KCNK17: variants seen among roughly 807,000 people sequenced by gnomAD.
KCNK17 encodes the protein potassium two pore domain channel subfamily K member 17.
In KCNK17, 27 loss-of-function variants were observed where a neutral mutation model predicts 24.6. The ratio of observed to expected loss-of-function variants is 1.10; its 90% CI spans 0.81 to 1.51. KCNK17 has a LOEUF of 1.51. KCNK17 is among the 40% of genes most tolerant of loss of function. The pLI is 0.00. For synonymous variants in KCNK17, 181 were observed against 189.8 expected (o/e 0.95, Z 0.38); for missense variants, 450 against 436.6 (o/e 1.03, Z -0.27).
At position 39,314,137 on chromosome 6, in the gene KCNK17, G is replaced by C. The variant is rs1276961191; in HGVS notation, c.184C>G (p.Leu62Val). 1.9e-6 allele frequency: 3 copies of C among 1,593,950 alleles called. No individual in the cohort carries two copies. The highest frequency in any genetic ancestry group is 1.1e-5 in the South Asian group (1 of 88,768). The part of the protein sequence containing the change: ...SRSFQRDKWE[L>V]LQNFTCLDRP... ...TCCAGACACGTGAAGTTCTGCAACAGCTCCCACTTGTCGCGCTGGAAGCTG... is the reference window on the plus strand; with the variant it reads ...TCCAGACACGTGAAGTTCTGCAACACCTCCCACTTGTCGCGCTGGAAGCTG... The change falls in exon 1 of 5, where the codon CTG (leucine) becomes GTG (valine). Residue 62 changes from leucine to valine, a missense_variant. Leu to Val is a conservative substitution (Grantham distance 32, BLOSUM62 1). Coordinates refer to ENST00000373231, the MANE Select transcript of KCNK17 (RefSeq NM_031460.4).
intron 2 of KCNK17, among the ~76,000 whole-genome samples, chr6:39,307,088 T>C (rs781163364): frequency 9.2e-5 from 14 of 152,154 alleles, no homozygotes; most frequent in Non-Finnish European, 1.5e-4. Context: ...TCCTTCCTTC[T>C]GTCCTTCCTC....
intron 2 of KCNK17, among the ~76,000 whole-genome samples, chr6:39,306,066 C>T (rs1161843172): frequency 5.0e-5 from 7 of 141,160 alleles, no homozygotes; most frequent in East Asian, 4.4e-4. Flanking sequence ...TTTTTTGAGA[C>T]GTAGTTTCGC....
At chr6:39,304,679 G>C in intron 2 of KCNK17, 24 bp from the exon 3 acceptor site, 1 of 1,601,782 alleles carries the variant, frequency 6.2e-7, no homozygotes, top group Non-Finnish European at 8.5e-7. Context: ...GGGCACTCAG[G>C]GGACATTTCC....
Position 39,314,270 on chromosome 6 carries a change from G to A in KCNK17, c.51C>T (p.Cys17=), listed in dbSNP as rs756042230. 5 of 1,523,362 alleles carry A rather than the reference G, an allele frequency of 3.3e-6. No individual in the cohort carries two copies. The South Asian group carries it at 6.1e-5, about 18-fold the overall frequency. The allele number at this position is 1,523,362 out of a possible 1,614,324, so 94.4% of individuals were successfully genotyped here. The change falls in exon 1 of 5, where the codon TGC becomes TGT. Residue 17 remains cysteine (C), a synonymous_variant. Transcript: ENST00000373231. Reference sequence around the variant, plus strand: ...GCAGGAGCACGGTGCTGGGCACCGCGCAGCCCCGGACCCTGCCCTCGGGAG... The same window carrying A: ...GCAGGAGCACGGTGCTGGGCACCGCACAGCCCCGGACCCTGCCCTCGGGAG... The part of the protein sequence containing the change: ...RAAPEGRVRG[C]AVPSTVLLLL...
At chr6:39,300,506 C>T (rs1465772021) in intron 4 of KCNK17, 1 of 1,551,190 alleles carries the variant, frequency 6.4e-7, no homozygotes, top group Non-Finnish European at 8.7e-7. Flanking sequence ...TTTCTCGTAT[C>T]TGAAATGAGG....
At chr6:39,309,899 C>T (rs1298920283) in intron 2 of KCNK17, among the ~76,000 whole-genome samples, 1 of 152,194 alleles carries the variant, frequency 6.6e-6, no homozygotes. Flanking sequence ...GAGATGCCTC[C>T]CAAGCATGCT....
In KCNK17 at chr6:39,310,872, CTG is replaced by C; in HGVS notation, c.352+19_352+20del. 1 of 1,442,384 alleles carries C rather than the reference CTG, an allele frequency of 6.9e-7. No individual in the cohort carries two copies. Among genetic ancestry groups the C allele is most frequent in the Non-Finnish European group, 9.6e-7 (1 of 1,038,118 alleles). The allele number at this position is 1,442,384 out of a possible 1,614,324, so 89.3% of individuals were successfully genotyped here. A position where few individuals can be genotyped will look rare whatever the true frequency, so the allele number is the denominator to read the frequency against. On this transcript the variant is annotated intron_variant, in intron 2 of 4. Transcript: ENST00000373231. ...GCCTCCTTCCCCCACCCCCATCCCCCTGGCCCCATCTGGCCCTTACCAATGGT... is the reference window on the plus strand; with the variant it reads ...GCCTCCTTCCCCCACCCCCATCCCCCGCCCCATCTGGCCCTTACCAATGGT...
chr6:39,307,720 C>G (rs1762059860), intron 2 of KCNK17, among the ~76,000 whole-genome samples: 1 of 152,240 alleles, frequency 6.6e-6, no homozygotes, highest in Non-Finnish European at 1.5e-5. Flanking sequence ...CCCACCCAAG[C>G]CACCTTTCAC....
At chr6:39,309,531 G>A (rs114050695) in intron 2 of KCNK17, among the ~76,000 whole-genome samples, 3 of 152,120 alleles carry the variant, frequency 2.0e-5, no homozygotes, top group Non-Finnish European at 4.4e-5. Context: ...GAGTGGAGAG[G>A]AAAGGACAGA....
intron 3 of KCNK17, 142 bp from the exon 4 acceptor site, chr6:39,304,273 G>A (rs1410141389): frequency 1.1e-6 from 1 of 878,478 alleles, no homozygotes; most frequent in Admixed American, 2.5e-5. Context: ...TCCCTGCCTG[G>A]AGCCTGTGCC....
chr6:39,312,340 T>A (rs75113401), intron 1 of KCNK17, among the ~76,000 whole-genome samples: 2,742 of 151,450 alleles, frequency 0.018, 75 homozygotes, highest in African/African-American at 0.058. Context: ...ATTCCTGGAG[T>A]TGGCTGAAGC....
chr6:39,309,686 C>T (rs1762096978), intron 2 of KCNK17, among the ~76,000 whole-genome samples: 2 of 152,304 alleles, frequency 1.3e-5, no homozygotes, highest in Non-Finnish European at 1.5e-5. Flanking sequence ...GGAGGCCTGG[C>T]CTACAGTGAC....
At chr6:39,310,363 A>G (rs1762111743) in intron 2 of KCNK17, among the ~76,000 whole-genome samples, 1 of 151,966 alleles carries the variant, frequency 6.6e-6, no homozygotes, top group African/African-American at 2.4e-5. Context: ...TGCAAGCTGA[A>G]GAGAGGACTG....
chr6:39,300,274 C>T (rs370567290), intron 4 of KCNK17: 35 of 568,796 alleles, frequency 6.2e-5, no homozygotes, highest in African/African-American at 1.7e-4. Flanking sequence ...AGGCGCCTGC[C>T]GCCACGCCCG....
Position 39,314,189 on chromosome 6 carries a change from C to T in KCNK17, c.132G>A (p.Glu44=). The part of the protein sequence containing the change: ...ALGTGVFWTL[E]GRAAQDSSRS... ...GGCTGGAGTCCTGCGCCGCGCGGCC[C>T]TCCAGCGTCCAGAACACGCCGGTGC... Residue 44 remains glutamate, a synonymous_variant, in exon 1 of 5, where the codon GAG becomes GAA. Coordinates refer to ENST00000373231, the MANE Select transcript of KCNK17 (RefSeq NM_031460.4). The T allele has an allele frequency of 6.4e-7, 1 of 1,552,778 alleles. No individual in the cohort carries two copies. Among genetic ancestry groups the T allele is most frequent in the Non-Finnish European group, 8.7e-7 (1 of 1,153,072 alleles).
At chr6:39,311,821 A>G (rs1762145829) in intron 1 of KCNK17, among the ~76,000 whole-genome samples, 1 of 152,182 alleles carries the variant, frequency 6.6e-6, no homozygotes, top group Admixed American at 6.5e-5. Context: ...ATGGGACAGC[A>G]GTGCAGAAGG....
At chr6:39,313,070 GA>G (rs1762172899) in intron 1 of KCNK17, among the ~76,000 whole-genome samples, 1 of 152,250 alleles carries the variant, frequency 6.6e-6, no homozygotes, top group South Asian at 2.1e-4. Flanking sequence ...GCAAGACGGG[GA>G]TTCTGGGCTG....
At chr6:39,309,490 T>C (rs1302668826) in intron 2 of KCNK17, among the ~76,000 whole-genome samples, 1 of 152,202 alleles carries the variant, frequency 6.6e-6, no homozygotes, top group African/African-American at 2.4e-5. Context: ...CTCCTCTCTT[T>C]GCCCTCCTCA....
chr6:39,308,054 G>A (rs1044046455), intron 2 of KCNK17, among the ~76,000 whole-genome samples: 3 of 152,024 alleles, frequency 2.0e-5, no homozygotes, highest in African/African-American at 4.8e-5. Context: ...CCTACAATAG[G>A]TGCCCCCATC....
Sources: gnomAD v4.1 joint callset for allele counts (sites outside exome capture counted in the v4.1 genomes callset) on GRCh38, gnomAD v4.1.1 for gene constraint, MANE v1.5 for transcripts, NCBI Gene and HGNC (gene_info 2026-07-23, HGNC 2026-07-21) for gene names.